Variants in ZNF536 observed in about 807,000 individuals in gnomAD.
ZNF536 encodes the protein zinc finger protein 536.
Under a neutral mutation model 84.5 loss-of-function variants are expected in ZNF536, and 13 were observed. That is an observed-to-expected ratio of 0.15 (90% CI 0.10 to 0.24). The LOEUF (loss-of-function observed/expected upper bound fraction) is 0.24. ZNF536 is among the 10% of genes least tolerant of loss of function. ZNF536 has a pLI of 1.00. For missense variants in ZNF536, 1,536 were observed against 1,747.5 expected (o/e 0.88, Z 2.16); for synonymous variants, 811 against 742.5 (o/e 1.09, Z -1.50).
intron 1 of ZNF536, among the ~76,000 whole-genome samples, chr19:30,621,417 G>A (rs946255420): frequency 6.6e-6 from 1 of 151,956 alleles, no homozygotes; most frequent in Admixed American, 6.6e-5. Context: ...CAAGCTGGGT[G>A]TACAAAGCCC....
At chr19:30,483,101 A>C (rs2054154578) in intron 2 of ZNF536, among the ~76,000 whole-genome samples, 1 of 152,026 alleles carries the variant, frequency 6.6e-6, no homozygotes, top group Admixed American at 6.5e-5. Flanking sequence ...TGTGAGGTTT[A>C]TTTAGTGTTC....
intron 1 of ZNF536, among the ~76,000 whole-genome samples, chr19:30,383,833 T>TC: frequency 5.0e-5 from 6 of 120,698 alleles, no homozygotes; most frequent in African/African-American, 2.3e-4. Context: ...TCTTTCTCCT[T>TC]CTTTCCTTCC....
chr19:30,595,451 C>T (rs569075623), intron 1 of ZNF536, among the ~76,000 whole-genome samples: 20 of 152,160 alleles, frequency 1.3e-4, no homozygotes, highest in African/African-American at 4.8e-4. Flanking sequence ...CCATGCCTGG[C>T]TATTTTTTAA....
At chr19:30,590,721 C>T (rs191486054) in intron 1 of ZNF536, among the ~76,000 whole-genome samples, 245 of 152,316 alleles carry the variant, frequency 1.6e-3, no homozygotes, top group African/African-American at 5.7e-3. Context: ...GAGCCCCTTT[C>T]AGTCTCTGGG....
At chr19:30,561,465 T>C (rs749441728), downstream of ZNF536, among the ~76,000 whole-genome samples, 1 of 152,138 alleles carries the variant, frequency 6.6e-6, no homozygotes, top group Non-Finnish European at 1.5e-5. Flanking sequence ...GGTGACCTAG[T>C]TGGGTCTCCC....
intron 2 of ZNF536, among the ~76,000 whole-genome samples, chr19:30,459,096 A>T (rs1424657439): frequency 2.0e-5 from 3 of 152,202 alleles, no homozygotes; most frequent in Non-Finnish European, 4.4e-5. Flanking sequence ...CTCTTTATAA[A>T]GCCCTTAGTG....
chr19:30,448,294 G>C (rs2052445210), intron 2 of ZNF536, among the ~76,000 whole-genome samples: 1 of 152,282 alleles, frequency 6.6e-6, no homozygotes, highest in Admixed American at 6.5e-5. Flanking sequence ...TGGGATTTAG[G>C]ACTCTTAACC....
At chr19:30,600,663 C>T (rs986323130) in intron 1 of ZNF536, among the ~76,000 whole-genome samples, 1 of 152,210 alleles carries the variant, frequency 6.6e-6, no homozygotes, top group Non-Finnish European at 1.5e-5. Flanking sequence ...GAGGACATAG[C>T]CTGGCCAGCA....
chr19:30,567,124 T>C (rs901858341), intron 1 of ZNF536, among the ~76,000 whole-genome samples: 37 of 152,216 alleles, frequency 2.4e-4, no homozygotes, highest in African/African-American at 8.0e-4. Context: ...GTGCCTTTAA[T>C]ACACATTTGA....
chr19:30,467,135 G>A (rs1368454071), intron 2 of ZNF536, among the ~76,000 whole-genome samples: 1 of 152,188 alleles, frequency 6.6e-6, no homozygotes, highest in East Asian at 1.9e-4. Context: ...ACTGCACCCA[G>A]CCTTAACCAT....
chr19:30,641,865 G>T (rs894513747), intron 1 of ZNF536, among the ~76,000 whole-genome samples: 4 of 152,222 alleles, frequency 2.6e-5, no homozygotes, highest in African/African-American at 9.6e-5. Context: ...GCAGTAGAGT[G>T]GGGCAAGTCC....
At chr19:30,595,014 G>A (rs943009137) in intron 1 of ZNF536, among the ~76,000 whole-genome samples, 3 of 152,142 alleles carry the variant, frequency 2.0e-5, no homozygotes. Flanking sequence ...TGCTTGGGCA[G>A]GAGGGACCCA....
intron 3 of ZNF536, among the ~76,000 whole-genome samples, chr19:30,361,168 C>T (rs1489842513): frequency 6.6e-6 from 1 of 151,910 alleles, no homozygotes; most frequent in African/African-American, 2.4e-5. Context: ...GAAGATGAAA[C>T]CAAAAAAAAA....
At chr19:30,328,702 A>G (rs951183204) in intron 2 of ZNF536, among the ~76,000 whole-genome samples, 9 of 152,180 alleles carry the variant, frequency 5.9e-5, no homozygotes, top group African/African-American at 1.9e-4. Context: ...GCTGGACCCA[A>G]TATCCACATG....
Position 30,617,366 on chromosome 19 carries a change from T to TTTTTTTTTTTTTTTTTTA in ZNF536, c.169+67852_169+67853insTTTTTTTTTTTTTTTTTA. Among the ~76,000 whole-genome samples the TTTTTTTTTTTTTTTTTTA allele has an allele frequency of 1.7e-5, 2 of 115,914 alleles. 1 individual carries two copies. The highest frequency in any genetic ancestry group is 3.6e-5 in the Non-Finnish European group (2 of 55,764). 76.0% of individuals were successfully genotyped at this position (115,914 alleles called of 152,430 possible). A position where few individuals can be genotyped will look rare whatever the true frequency, so the allele number is the denominator to read the frequency against. On this transcript the variant is annotated intron_variant, in intron 1 of 1. Transcript: ENST00000592773. ...TTTTTTTTTTTTTTTTTTTTTTTTTTATGAGATGGAGTCTGACTCTGTCAC... is the reference window on the plus strand; with the variant it reads ...TTTTTTTTTTTTTTTTTTTTTTTTTTTTTTTTTTTTTTTTTTTAATGAGATGGAGTCTGACTCTGTCAC...
intron 1 of ZNF536, among the ~76,000 whole-genome samples, chr19:30,422,825 C>T (rs12983963): frequency 8.1e-5 from 11 of 135,470 alleles, no homozygotes; most frequent in South Asian, 2.7e-4. Flanking sequence ...CTTCATCTGC[C>T]TATCTACACA....
At chr19:30,700,192 C>CTTTCTTTTCTTTCCTTCTTTCT (rs57225901) in intron 1 of ZNF536, among the ~76,000 whole-genome samples, 8 of 110,448 alleles carry the variant, frequency 7.2e-5, no homozygotes, top group African/African-American at 1.7e-4. Context: ...TTCTTTCCTT[C>CTTTCTTTTCTTTCCTTCTTTCT]TTTCTTTCCT....
chr19:30,447,600 T>C (rs995868473), intron 2 of ZNF536, among the ~76,000 whole-genome samples: 3 of 152,206 alleles, frequency 2.0e-5, no homozygotes, highest in African/African-American at 7.2e-5. Flanking sequence ...GACTGTCACA[T>C]GGAACATACT....
At chr19:30,276,518 A>C (rs912583589) in intron 1 of ZNF536, among the ~76,000 whole-genome samples, 2 of 152,210 alleles carry the variant, frequency 1.3e-5, no homozygotes, top group African/African-American at 4.8e-5. Flanking sequence ...TATTTTTCAC[A>C]CATACTCAGC....
Sources: allele counts gnomAD v4.1 joint callset (sites outside exome capture counted in the v4.1 genomes callset), GRCh38; gene constraint gnomAD v4.1.1; transcripts MANE v1.5; gene names NCBI Gene and HGNC (gene_info 2026-07-23, HGNC 2026-07-21).